The following FNBP1L variants were observed in gnomAD, a reference collection of about 807,000 sequenced individuals.
The protein encoded by FNBP1L is formin binding protein 1 like, also known as formin-binding protein 1-like.
FNBP1L carries 36 observed loss-of-function variants against 91.2 expected under a neutral mutation model. The observed-to-expected ratio is 0.39, with a 90% confidence interval of 0.30 to 0.52. The LOEUF is 0.52. Ranked by LOEUF, FNBP1L falls within the 20% of genes least tolerant of loss-of-function variation. FNBP1L has a pLI of 0.66. For synonymous variants in FNBP1L, 242 were observed against 237.0 expected, an observed-to-expected ratio of 1.02 and a Z score of -0.19; for missense variants, 571 against 732.1, an observed-to-expected ratio of 0.78 and a Z score of 2.54.
intron 11 of FNBP1L, 122 bp from the exon 12 acceptor site, chr1:93,543,985 T>A: frequency 1.7e-6 from 1 of 583,686 alleles, no homozygotes; most frequent in Non-Finnish European, 2.8e-6. Flanking sequence ...TTTAAGGGGT[T>A]GCTTGAGGCA....
At chr1:93,507,099 ACACACACACTCTCTCTCTCTCTCT>A (rs1670655125) in intron 2 of FNBP1L, among the ~76,000 whole-genome samples, 17 of 66,422 alleles carry the variant, frequency 2.6e-4, no homozygotes, top group East Asian at 2.2e-3. Flanking sequence ...ACACACACAC[ACACACACACTCTCTCTCTCTCTCT>A]CTCTCTCTCT....
intron 1 of FNBP1L, among the ~76,000 whole-genome samples, chr1:93,482,858 A>T (rs1669758527): frequency 6.6e-6 from 1 of 152,062 alleles, no homozygotes; most frequent in Non-Finnish European, 1.5e-5. Context: ...TCTCTACTAA[A>T]AATACAAAAA....
At chr1:93,454,334 GTC>G (rs1022200461) in intron 1 of FNBP1L, among the ~76,000 whole-genome samples, 9 of 111,058 alleles carry the variant, frequency 8.1e-5, no homozygotes, top group Non-Finnish European at 1.3e-4. Flanking sequence ...GTATGGGTGT[GTC>G]TGTGTGTGTG....
intron 6 of FNBP1L, 129 bp from the exon 7 acceptor site, chr1:93,530,626 C>T (rs1214060803): frequency 2.2e-6 from 2 of 909,854 alleles, no homozygotes; most frequent in Admixed American, 3.1e-5. Context: ...AAAGTTATGC[C>T]ACGTCATTAT....
At chr1:93,486,224 A>G (rs952847794) in intron 1 of FNBP1L, among the ~76,000 whole-genome samples, 2 of 152,196 alleles carry the variant, frequency 1.3e-5, no homozygotes, top group Non-Finnish European at 2.9e-5. Context: ...TAGTTATTAC[A>G]GCATTGATGT....
intron 1 of FNBP1L, among the ~76,000 whole-genome samples, chr1:93,466,212 C>A (rs1669073527): frequency 6.6e-6 from 1 of 152,086 alleles, no homozygotes; most frequent in African/African-American, 2.4e-5. Context: ...TTAATTAGAT[C>A]CCCTTTGTCT....
chr1:93,504,775 A>G (rs1339080786), intron 2 of FNBP1L, among the ~76,000 whole-genome samples: 1 of 151,994 alleles, frequency 6.6e-6, no homozygotes, highest in Non-Finnish European at 1.5e-5. Flanking sequence ...TTTAAAATTG[A>G]GTTACTTGTT....
Position 93,547,115 on chromosome 1 carries a change from GTTAT to G in FNBP1L, c.1407+145_1407+148del. On this transcript the variant is annotated intron_variant, in intron 13 of 16. Transcript: ENST00000271234. ...ATCTAAAAGTATTATTGTGATGTGT[GTTAT>G]TTAATCTCATTAAAGTTTTTTATTT... The G allele has an allele frequency of 2.8e-6, 3 of 1,085,808 alleles. No homozygotes were observed. The East Asian group carries it at 7.9e-5, about 28-fold the overall frequency. 67.3% of individuals were successfully genotyped at this position (1,085,808 alleles called of 1,614,324 possible).
intron 1 of FNBP1L, among the ~76,000 whole-genome samples, chr1:93,449,965 C>G (rs1419083721): frequency 3.3e-5 from 5 of 151,896 alleles, no homozygotes; most frequent in Admixed American, 2.0e-4. Flanking sequence ...AATATTTTAA[C>G]TTTTGCCTAC....
At chr1:93,464,858 T>G (rs2101691329) in intron 1 of FNBP1L, among the ~76,000 whole-genome samples, 1 of 152,298 alleles carries the variant, frequency 6.6e-6, no homozygotes, top group South Asian at 2.1e-4. Context: ...CATTGAGGCT[T>G]GAGTATAACA....
At chr1:93,468,637 C>G (rs925920648) in intron 1 of FNBP1L, among the ~76,000 whole-genome samples, 5 of 152,112 alleles carry the variant, frequency 3.3e-5, no homozygotes, top group African/African-American at 1.2e-4. Context: ...TGCCATGTTG[C>G]CCAGGCTGGT....
At chr1:93,510,888 G>C (rs997624568) in intron 2 of FNBP1L, among the ~76,000 whole-genome samples, 1 of 152,106 alleles carries the variant, frequency 6.6e-6, no homozygotes, top group Admixed American at 6.5e-5. Context: ...AACGAAGCGA[G>C]AAGGGAAGTT....
chr1:93,459,941 A>ATGTGTGTGTGTGTGTGTGTGTGTG (rs34705153), intron 1 of FNBP1L, among the ~76,000 whole-genome samples: 3 of 142,168 alleles, frequency 2.1e-5, no homozygotes, highest in Admixed American at 7.1e-5. Flanking sequence ...TGGATTTCAG[A>ATGTGTGTGTGTGTGTGTGTGTGTG]TGTGTGTGTG....
At chr1:93,463,199 A>G (rs1417453568) in intron 1 of FNBP1L, among the ~76,000 whole-genome samples, 2 of 152,144 alleles carry the variant, frequency 1.3e-5, no homozygotes, top group African/African-American at 4.8e-5. Flanking sequence ...ACTGTAAGAT[A>G]TGTGATCCAG....
chr1:93,532,704 A>T (rs1396764341), intron 7 of FNBP1L, among the ~76,000 whole-genome samples: 2 of 152,170 alleles, frequency 1.3e-5, no homozygotes, highest in African/African-American at 4.8e-5. Context: ...TTAGGAAAAC[A>T]ATACTAAGTG....
intron 1 of FNBP1L, among the ~76,000 whole-genome samples, chr1:93,459,477 C>T (rs1668786982): frequency 6.6e-6 from 1 of 152,090 alleles, no homozygotes; most frequent in African/African-American, 2.4e-5. Context: ...TGAAAAAATG[C>T]TCAACATCTC....
At chr1:93,518,412 T>C (rs1671205582) in intron 2 of FNBP1L, among the ~76,000 whole-genome samples, 1 of 152,202 alleles carries the variant, frequency 6.6e-6, no homozygotes, top group Admixed American at 6.5e-5. Flanking sequence ...AGGGCTTCTC[T>C]TTGTGTATTT....
chr1:93,519,526 T>C (rs1484084818), intron 2 of FNBP1L, among the ~76,000 whole-genome samples: 1 of 152,240 alleles, frequency 6.6e-6, no homozygotes, highest in East Asian at 1.9e-4. Context: ...AGAGTGTCTA[T>C]ATATTTGATT....
intron 1 of FNBP1L, among the ~76,000 whole-genome samples, chr1:93,495,848 T>A (rs551493308): frequency 7.9e-5 from 12 of 152,362 alleles, no homozygotes; most frequent in Non-Finnish European, 1.0e-4. Flanking sequence ...CTGAAAATGA[T>A]CTGTGTCATG....
Sources: allele counts gnomAD v4.1 joint callset (sites outside exome capture counted in the v4.1 genomes callset), GRCh38; gene constraint gnomAD v4.1.1; transcripts MANE v1.5; gene names NCBI Gene and HGNC (gene_info 2026-07-23, HGNC 2026-07-21).